The following DCAF5 variants were observed in gnomAD, a reference collection of about 807,000 sequenced individuals.
The protein encoded by DCAF5 is DDB1 and CUL4 associated factor 5.
In DCAF5, 9 loss-of-function variants were observed where a neutral mutation model predicts 80.7. That is an observed-to-expected ratio of 0.11 (90% CI 0.07 to 0.19). The LOEUF is 0.19. DCAF5 is among the 10% of genes least tolerant of loss of function. DCAF5 has a pLI of 1.00. For synonymous variants in DCAF5, 433 were observed against 461.9 expected (o/e 0.94, Z 0.80); for missense variants, 842 against 1,205.7 (o/e 0.70, Z 4.47).
At chr14:69,058,420 G>A (rs2038063133) in intron 8 of DCAF5, among the ~76,000 whole-genome samples, 1 of 152,056 alleles carries the variant, frequency 6.6e-6, no homozygotes, top group Admixed American at 6.6e-5. Context: ...TCGGGAGGCT[G>A]AGGCAGGAGA....
Position 69,116,404 on chromosome 14 carries a change from C to T in DCAF5, c.627G>A (p.Lys209=), listed in dbSNP as rs368592153. ...EPRLLATANS[K]EGVGLWDIRK... ...GAATGTCCCAGAGTCCCACTCCTTC[C>T]TTTGAATTGGCTGTGGCCAACAACC... The change falls in exon 5 of 9, where the codon AAG becomes AAA. Residue 209 remains lysine (K), a synonymous_variant. Transcript: ENST00000341516. 100 of 1,613,464 alleles carry T rather than the reference C, an allele frequency of 6.2e-5. No homozygotes were observed. Among genetic ancestry groups the T allele is most frequent in the Non-Finnish European group, 8.1e-5 (96 of 1,179,612 alleles).
At position 69,055,183 on chromosome 14, in the gene DCAF5, G is replaced by A; in HGVS notation, c.1503C>T (p.Pro501=). ...TNTVASTPPT[P]TCEDAASRQQ... ...GGCGAGAGGCTGCATCCTCACACGT[G>A]GGTGTTGGTGGAGTTGAGGCTACTG... Residue 501 remains proline, a synonymous_variant, in exon 9 of 9, where the codon CCC becomes CCT. Coordinates refer to ENST00000341516, the MANE Select transcript of DCAF5 (RefSeq NM_003861.3). The surrounding 1 kb of genome is among the most constrained non-coding windows in gnomAD (Gnocchi z 5.6). 1 of 1,614,240 alleles carries A rather than the reference G, an allele frequency of 6.2e-7. No homozygotes were observed. Among genetic ancestry groups the A allele is most frequent in the Non-Finnish European group, 8.5e-7 (1 of 1,180,052 alleles).
At position 69,118,007 on chromosome 14, in the gene DCAF5, TGTGA is replaced by T; in HGVS notation, c.535+128_535+131del. The T allele has an allele frequency of 1.5e-6, 2 of 1,291,242 alleles. No homozygotes were observed. Among genetic ancestry groups the T allele is most frequent in the Non-Finnish European group, 1.1e-6 (1 of 912,132 alleles). The allele number at this position is 1,291,242 out of a possible 1,614,324, so 80.0% of individuals were successfully genotyped here. A position where few individuals can be genotyped will look rare whatever the true frequency, so the allele number is the denominator to read the frequency against. On this transcript the variant is annotated intron_variant, in intron 4 of 8. Coordinates refer to ENST00000341516, the MANE Select transcript of DCAF5 (RefSeq NM_003861.3). This position sits in a 1 kb window ranked among gnomAD's most constrained non-coding sequence, Gnocchi z 4.0. ...CCTCCAAAGACCTCTTATGCCCCCA[TGTGA>T]GTGTTTCACATTTCCTTTCCCTTGA...
chr14:69,105,896 TTTTCCCTAATAAACTGTC>T (rs2040120709), intron 5 of DCAF5, among the ~76,000 whole-genome samples: 1 of 124,668 alleles, frequency 8.0e-6, no homozygotes, highest in Non-Finnish European at 1.7e-5. Flanking sequence ...TATGAGCCAA[TTTTCCCTAATAAACTGTC>T]ATATATATAT....
intron 7 of DCAF5, among the ~76,000 whole-genome samples, chr14:69,064,370 A>T (rs753130586): frequency 1.3e-5 from 2 of 152,150 alleles, no homozygotes; most frequent in Non-Finnish European, 2.9e-5. Flanking sequence ...TAAGCAAAGA[A>T]ACTTTGATTT....
chr14:69,119,163 A>G, intron 3 of DCAF5, 31 bp downstream of exon 3: 1 of 1,603,998 alleles, frequency 6.2e-7, no homozygotes, highest in Non-Finnish European at 8.5e-7. Flanking sequence ...AAACAAAGTC[A>G]ATCACCTTCA....
At chr14:69,143,422 GGAT>G (rs1566790970) in intron 1 of DCAF5, among the ~76,000 whole-genome samples, 1 of 152,034 alleles carries the variant, frequency 6.6e-6, no homozygotes, top group African/African-American at 2.4e-5. Flanking sequence ...TGTAATATAA[GGAT>G]AATAATACTA....
At chr14:69,114,062 C>T (rs968272164) in intron 5 of DCAF5, among the ~76,000 whole-genome samples, 3 of 152,154 alleles carry the variant, frequency 2.0e-5, no homozygotes, top group African/African-American at 7.2e-5. Context: ...ATTTTTCCCC[C>T]ATAATACTAG....
intron 7 of DCAF5, among the ~76,000 whole-genome samples, chr14:69,070,774 T>A (rs972225960): frequency 1.3e-5 from 2 of 151,572 alleles, no homozygotes; most frequent in African/African-American, 4.8e-5. Flanking sequence ...TATTCCTTCC[T>A]CTAATTTTTA....
chr14:69,145,800 A>G (rs2041518439), intron 1 of DCAF5, among the ~76,000 whole-genome samples: 2 of 152,218 alleles, frequency 1.3e-5, no homozygotes, highest in South Asian at 4.1e-4. Context: ...TTGAGTATCT[A>G]AATTCAGACT....
intron 5 of DCAF5, among the ~76,000 whole-genome samples, chr14:69,102,150 C>T (rs1209125876): frequency 2.0e-5 from 3 of 150,166 alleles, no homozygotes; most frequent in African/African-American, 7.4e-5. Context: ...ACTCTGTCAC[C>T]CAGGCTGGAG....
intron 1 of DCAF5, among the ~76,000 whole-genome samples, chr14:69,144,241 A>C (rs2041463994): frequency 6.6e-6 from 1 of 152,178 alleles, no homozygotes; most frequent in African/African-American, 2.4e-5. Flanking sequence ...AGATAAAAAA[A>C]AAAAAGTTAA....
chr14:69,088,102 T>C (rs1177959952), intron 6 of DCAF5, among the ~76,000 whole-genome samples: 3 of 152,210 alleles, frequency 2.0e-5, no homozygotes, highest in Admixed American at 6.5e-5. Flanking sequence ...CTGGCCCATT[T>C]AGATGGGATG....
chr14:69,130,759 T>C (rs944623842), intron 1 of DCAF5, among the ~76,000 whole-genome samples: 1 of 152,128 alleles, frequency 6.6e-6, no homozygotes, highest in African/African-American at 2.4e-5. Flanking sequence ...CAAGTAACAA[T>C]GGGATTAGAT....
rs1363789322 is a variant in DCAF5 at position 69,114,388 on chromosome 14, T to C, written c.665+1978A>G. ...CCATATAGTCATTAAAAGAAGGGGC[T>C]AGATCTGTTAGTGTTGGTATGAAAA... On this transcript the variant is annotated intron_variant, in intron 5 of 8. Transcript: ENST00000341516. Among the ~76,000 whole-genome samples the C allele has an allele frequency of 4.6e-5, 7 of 152,274 alleles. No individual in the cohort carries two copies. The East Asian group carries it at 1.4e-3, about 29-fold the overall frequency.
At position 69,054,098 on chromosome 14, in the gene DCAF5, C is replaced by T. The variant is rs933522733; in HGVS notation, c.2588G>A (p.Gly863Glu). The T allele has an allele frequency of 1.2e-6, 2 of 1,614,078 alleles. No homozygotes were observed. The highest frequency in any genetic ancestry group is 8.5e-7 in the Non-Finnish European group (1 of 1,180,040). The change falls in exon 9 of 9, where the codon GGA (glycine) becomes GAA (glutamate). Residue 863 changes from glycine (G) to glutamate (E), a missense_variant. Coordinates refer to ENST00000341516, the MANE Select transcript of DCAF5 (RefSeq NM_003861.3). Reference protein sequence around the residue: ...ELEVVAYSSPGHSDTDRDNSS... With the variant: ...ELEVVAYSSPEHSDTDRDNSS... ...GTTATCACGGTCAGTGTCTGAGTGT[C>T]CTGGGGAAGAGTAGGCCACCACCTC...
chr14:69,089,758 G>T (rs1368442205), intron 6 of DCAF5: 2 of 217,902 alleles, frequency 9.2e-6, no homozygotes, highest in Non-Finnish European at 1.6e-5. Flanking sequence ...TCCCCCCAGG[G>T]GACAATGTCT....
chr14:69,101,886 T>TA (rs1311452172), intron 5 of DCAF5, among the ~76,000 whole-genome samples: 4 of 152,020 alleles, frequency 2.6e-5, no homozygotes, highest in South Asian at 2.1e-4. Flanking sequence ...ATAAAAGATT[T>TA]AAAAAAATGG....
intron 7 of DCAF5, among the ~76,000 whole-genome samples, chr14:69,066,298 C>A (rs1230463977): frequency 6.6e-6 from 1 of 152,058 alleles, no homozygotes; most frequent in East Asian, 1.9e-4. Context: ...CCACGCCCAG[C>A]TAATTTTTTT....
Sources: allele counts gnomAD v4.1 joint callset (sites outside exome capture counted in the v4.1 genomes callset), GRCh38; gene constraint gnomAD v4.1.1; non-coding constraint Gnocchi (gnomAD v3.1); transcripts MANE v1.5; gene names NCBI Gene and HGNC (gene_info 2026-07-23, HGNC 2026-07-21).